The following KCNIP1 variants were observed in gnomAD, a reference collection of about 807,000 sequenced individuals.
The protein encoded by KCNIP1 is A-type potassium channel modulatory protein KCNIP1.
A neutral mutation model predicts 33.0 loss-of-function variants in KCNIP1; 18 were observed. The observed-to-expected ratio is 0.55, with a 90% CI of 0.38 to 0.81. KCNIP1 has a LOEUF of 0.81. Among genes scored for constraint, KCNIP1 ranks in the 30% least tolerant of loss-of-function variants. The probability of loss-of-function intolerance (pLI) is 0.00; values close to 1 mark genes in which losing one functional copy is unlikely to be tolerated. For synonymous variants in KCNIP1, 93 were observed against 98.3 expected, an observed-to-expected ratio of 0.95 and a Z score of 0.32; for missense variants, 238 against 271.6, an observed-to-expected ratio of 0.88 and a Z score of 0.87.
At chr5:170,514,103 C>G (rs1449954768) in intron 1 of KCNIP1, among the ~76,000 whole-genome samples, 1 of 152,200 alleles carries the variant, frequency 6.6e-6, no homozygotes, top group Non-Finnish European at 1.5e-5. Context: ...AAGCAAGCCT[C>G]TGAGCCCCAG....
rs1464021482 is a variant in KCNIP1, at chr5:170,504,280, C to T, written c.-293C>T. ...GTCCAGTGCCAGGCAGGCTTCAGGG[C>T]ACCGTCCTCGGCCCTGGGCGAGGGA... On this transcript the variant is annotated 5_prime_UTR_variant, in exon 1 of 8. Transcript: ENST00000328939. The surrounding 1 kb of genome is among the most constrained non-coding windows in gnomAD (Gnocchi z 6.0). 23 of 1,251,204 alleles carry T rather than the reference C, an allele frequency of 1.8e-5. No homozygotes were observed. Among genetic ancestry groups the T allele is most frequent in the Middle Eastern group, 3.1e-4 (1 of 3,228 alleles). The allele number at this position is 1,251,204 out of a possible 1,614,324, so 77.5% of individuals were successfully genotyped here. A position where few individuals can be genotyped will look rare whatever the true frequency, so the allele number is the denominator to read the frequency against.
intron 1 of KCNIP1, among the ~76,000 whole-genome samples, chr5:170,708,917 A>G (rs567526820): frequency 1.3e-5 from 2 of 152,336 alleles, no homozygotes; most frequent in South Asian, 4.1e-4. Flanking sequence ...AAAAAAAGAA[A>G]TTGAACTATA....
chr5:170,355,650 G>A (rs1763327272), intron 1 of KCNIP1, among the ~76,000 whole-genome samples: 1 of 152,244 alleles, frequency 6.6e-6, no homozygotes, highest in Non-Finnish European at 1.5e-5. Flanking sequence ...CTGAGATGAG[G>A]AGAGGCAGGG....
intron 1 of KCNIP1, chr5:170,420,313 C>T (rs986077857): frequency 6.6e-6 from 1 of 152,150 alleles, no homozygotes; most frequent in Non-Finnish European, 1.5e-5. Context: ...TGATGATCCA[C>T]TTTCACTTAA....
chr5:170,429,056 A>C (rs1755682331), intron 1 of KCNIP1, among the ~76,000 whole-genome samples: 1 of 152,102 alleles, frequency 6.6e-6, no homozygotes. Flanking sequence ...GCGCCACTGC[A>C]CTGCAGCCTG....
intron 1 of KCNIP1, among the ~76,000 whole-genome samples, chr5:170,632,344 C>T (rs1040870524): frequency 6.6e-6 from 1 of 152,258 alleles, no homozygotes; most frequent in African/African-American, 2.4e-5. Context: ...CGCCTCAAAT[C>T]TTGTATCTTT....
chr5:170,420,945 A>G (rs1182566230), intron 1 of KCNIP1, among the ~76,000 whole-genome samples: 4 of 152,174 alleles, frequency 2.6e-5, no homozygotes, highest in Non-Finnish European at 5.9e-5. Flanking sequence ...TGCCAGCCGG[A>G]CAGCGAGGTC....
chr5:170,684,438 T>C (rs1376615358), intron 1 of KCNIP1, among the ~76,000 whole-genome samples: 2 of 152,222 alleles, frequency 1.3e-5, no homozygotes, highest in African/African-American at 4.8e-5. Context: ...TGTGGCAGCA[T>C]CACTCCAATC....
At chr5:170,412,850 C>T (rs1270105408) in intron 1 of KCNIP1, among the ~76,000 whole-genome samples, 1 of 152,150 alleles carries the variant, frequency 6.6e-6, no homozygotes, top group Non-Finnish European at 1.5e-5. Context: ...CTTCCCTGAT[C>T]ACCCTATTCA....
intron 1 of KCNIP1, among the ~76,000 whole-genome samples, chr5:170,698,581 G>A (rs1762978266): frequency 6.6e-6 from 1 of 152,004 alleles, no homozygotes; most frequent in African/African-American, 2.4e-5. Flanking sequence ...CTTCTAAAAT[G>A]TCAGCTGCCA....
intron 5 of KCNIP1, among the ~76,000 whole-genome samples, chr5:170,731,057 A>T (rs1561788314): frequency 6.6e-6 from 1 of 152,222 alleles, no homozygotes; most frequent in African/African-American, 2.4e-5. Context: ...ATTAATAAGT[A>T]TAGAAGGAAT....
At chr5:170,711,313 C>T (rs1763436644) in intron 1 of KCNIP1, among the ~76,000 whole-genome samples, 1 of 152,232 alleles carries the variant, frequency 6.6e-6, no homozygotes, top group African/African-American at 2.4e-5. Flanking sequence ...TGCCTCCTCA[C>T]CAGTGTGAGA....
At chr5:170,539,960 G>A (rs1173593668) in intron 1 of KCNIP1, among the ~76,000 whole-genome samples, 1 of 152,130 alleles carries the variant, frequency 6.6e-6, no homozygotes, top group East Asian at 1.9e-4. Flanking sequence ...GTGCCTGCAT[G>A]CCCACACTGA....
chr5:170,475,208 C>A (rs555826304), intron 1 of KCNIP1, among the ~76,000 whole-genome samples: 3 of 152,326 alleles, frequency 2.0e-5, no homozygotes, highest in African/African-American at 7.2e-5. Flanking sequence ...TTCTTCAAGT[C>A]CCCACCCGAC....
At chr5:170,602,732 C>T (rs1738606047) in intron 1 of KCNIP1, among the ~76,000 whole-genome samples, 1 of 152,166 alleles carries the variant, frequency 6.6e-6, no homozygotes, top group African/African-American at 2.4e-5. Context: ...CCTTGCCAGT[C>T]ACCTCATCTC....
chr5:170,624,124 G>A (rs1759719707), intron 1 of KCNIP1, among the ~76,000 whole-genome samples: 1 of 152,220 alleles, frequency 6.6e-6, no homozygotes, highest in Non-Finnish European at 1.5e-5. Context: ...CTCATTCCTC[G>A]AGTACAAAAT....
At chr5:170,389,006 A>G (rs561141365) in intron 1 of KCNIP1, among the ~76,000 whole-genome samples, 88 of 152,318 alleles carry the variant, frequency 5.8e-4, no homozygotes, top group African/African-American at 2.0e-3. Context: ...TCCAGGCTGC[A>G]GCCTTCTGGC....
At chr5:170,605,446 A>G (rs1469058908) in intron 1 of KCNIP1, among the ~76,000 whole-genome samples, 5 of 152,222 alleles carry the variant, frequency 3.3e-5, no homozygotes, top group Admixed American at 2.6e-4. Context: ...AAAATGTACT[A>G]TTTTAACCAT....
chr5:170,670,644 G>A (rs1381992541), intron 1 of KCNIP1, among the ~76,000 whole-genome samples: 3 of 152,188 alleles, frequency 2.0e-5, no homozygotes, highest in Non-Finnish European at 4.4e-5. Context: ...TGTAATCCCA[G>A]CACTTTGGGA....
Sources: allele counts gnomAD v4.1 joint callset (sites outside exome capture counted in the v4.1 genomes callset), GRCh38; gene constraint gnomAD v4.1.1; non-coding constraint Gnocchi (gnomAD v3.1); transcripts MANE v1.5; gene names NCBI Gene and HGNC (gene_info 2026-07-23, HGNC 2026-07-21).